Variants in MAPK4 observed in about 807,000 individuals in gnomAD.
MAPK4 encodes Erk3-related.
MAPK4 carries 22 observed loss-of-function variants against 47.7 expected under a neutral mutation model. The observed-to-expected ratio is 0.46, with a 90% CI of 0.33 to 0.66. MAPK4 has a LOEUF of 0.66. MAPK4 is among the 30% of genes least tolerant of loss of function. MAPK4 has a pLI of 0.02. For synonymous variants in MAPK4, 390 were observed against 365.7 expected, an observed-to-expected ratio of 1.07 and a Z score of -0.76; for missense variants, 736 against 831.7, an observed-to-expected ratio of 0.88 and a Z score of 1.42.
At chr18:50,655,725 T>G (rs534861835) in intron 1 of MAPK4, among the ~76,000 whole-genome samples, 2 of 152,148 alleles carry the variant, frequency 1.3e-5, no homozygotes, top group Non-Finnish European at 2.9e-5. Context: ...AGGAAACACC[T>G]CTGGTCATTA....
At chr18:50,702,620 C>T (rs2144388164) in intron 2 of MAPK4, among the ~76,000 whole-genome samples, 1 of 152,198 alleles carries the variant, frequency 6.6e-6, no homozygotes. Flanking sequence ...ATTTTGTGTT[C>T]ATGATTTTGT....
chr18:50,698,878 A>T (rs1435675840), intron 2 of MAPK4, among the ~76,000 whole-genome samples: 1 of 152,168 alleles, frequency 6.6e-6, no homozygotes, highest in Non-Finnish European at 1.5e-5. Context: ...TACAAAAATT[A>T]GCTAGGTATA....
intron 1 of MAPK4, among the ~76,000 whole-genome samples, chr18:50,601,132 C>G (rs948912867): frequency 2.0e-5 from 3 of 148,858 alleles, no homozygotes; most frequent in East Asian, 2.0e-4. Context: ...AAGAAGAAGA[C>G]AGAGAGAGAG....
At chr18:50,702,361 C>T (rs529314620) in intron 2 of MAPK4, among the ~76,000 whole-genome samples, 221 of 152,054 alleles carry the variant, frequency 1.5e-3, no homozygotes, top group African/African-American at 5.0e-3. Context: ...TGAATCTAGC[C>T]TAGGCAACAT....
intron 2 of MAPK4, among the ~76,000 whole-genome samples, chr18:50,709,377 G>A (rs1910229760): frequency 6.6e-6 from 1 of 152,232 alleles, no homozygotes; most frequent in African/African-American, 2.4e-5. Context: ...ATGGGGTGGA[G>A]AGGGAGCACA....
rs751794197 is a variant in MAPK4 at position 50,729,776 on chromosome 18, C to A, written c.1686C>A (p.Gly562=). 2 of 1,611,954 alleles carry A rather than the reference C, an allele frequency of 1.2e-6. No homozygotes were observed. Among genetic ancestry groups the A allele is most frequent in the Non-Finnish European group, 1.7e-6 (2 of 1,179,644 alleles). The change falls in exon 6 of 6, where the codon GGC becomes GGA. Residue 562 remains glycine (G), a synonymous_variant. Transcript: ENST00000400384. ...AGGACCTGCCGGACAATAAACTGGGCGACCTCAATGGTGCGTGCATCCCCG... is the reference window on the plus strand; with the variant it reads ...AGGACCTGCCGGACAATAAACTGGGAGACCTCAATGGTGCGTGCATCCCCG... The part of the protein sequence containing the change: ...KPEDLPDNKL[G]DLNGACIPEH...
intron 1 of MAPK4, among the ~76,000 whole-genome samples, chr18:50,659,714 T>C (rs1012475809): frequency 1.3e-5 from 2 of 152,352 alleles, no homozygotes; most frequent in Admixed American, 1.3e-4. Flanking sequence ...TTTATTACGA[T>C]GCCCAGCCAT....
chr18:50,582,821 G>A (rs1266774607), intron 1 of MAPK4, among the ~76,000 whole-genome samples: 3 of 152,266 alleles, frequency 2.0e-5, no homozygotes, highest in Admixed American at 6.5e-5. Context: ...GGGGAACGCA[G>A]TGATGCCCCA....
chr18:50,589,728 G>A (rs559234431), intron 1 of MAPK4, among the ~76,000 whole-genome samples: 155 of 152,310 alleles, frequency 1.0e-3, no homozygotes, highest in African/African-American at 3.4e-3. Flanking sequence ...GGCTAGAAAT[G>A]GTTCTCTTTC....
At chr18:50,689,404 TAAAAAA>T (rs34978159) in intron 2 of MAPK4, among the ~76,000 whole-genome samples, 1 of 84,850 alleles carries the variant, frequency 1.2e-5, no homozygotes, top group African/African-American at 4.3e-5. Context: ...AACTCCATCT[TAAAAAA>T]AAAAAAAAAA....
intron 1 of MAPK4, among the ~76,000 whole-genome samples, chr18:50,568,585 G>A (rs2042222376): frequency 6.6e-6 from 1 of 152,184 alleles, no homozygotes; most frequent in Non-Finnish European, 1.5e-5. Context: ...CCTCAGTTAT[G>A]TACTTGGTCT....
At chr18:50,575,840 A>T (rs1473783589) in intron 1 of MAPK4, among the ~76,000 whole-genome samples, 2 of 151,900 alleles carry the variant, frequency 1.3e-5, no homozygotes, top group Admixed American at 6.6e-5. Flanking sequence ...AGAGGAGATG[A>T]ACAGATACTT....
chr18:50,595,873 G>A (rs1276298345), intron 1 of MAPK4, among the ~76,000 whole-genome samples: 1 of 151,958 alleles, frequency 6.6e-6, no homozygotes, highest in Non-Finnish European at 1.5e-5. Context: ...TATTGTATTT[G>A]TGGCTAATGG....
intron 4 of MAPK4, among the ~76,000 whole-genome samples, chr18:50,722,331 GC>G (rs1910978399): frequency 6.6e-6 from 1 of 152,226 alleles, no homozygotes; most frequent in Non-Finnish European, 1.5e-5. Flanking sequence ...TGTTTCTGCT[GC>G]CTTTTGCTTC....
intron 1 of MAPK4, among the ~76,000 whole-genome samples, chr18:50,570,980 G>A (rs186835080): frequency 1.2e-3 from 186 of 152,078 alleles, no homozygotes; most frequent in Admixed American, 2.3e-3. Flanking sequence ...CTTTTTCCCT[G>A]GAAATTTTAG....
In MAPK4 at chr18:50,729,633, G is replaced by A. The variant is rs573296530; in HGVS notation, c.1543G>A (p.Glu515Lys). The A allele has an allele frequency of 1.0e-3, 1,475 of 1,453,562 alleles. 8 individuals are homozygous for A. The Middle Eastern group carries it at 0.015, about 15-fold the overall frequency. The allele number at this position is 1,453,562 out of a possible 1,614,324, so 90.0% of individuals were successfully genotyped here. A position where few individuals can be genotyped will look rare whatever the true frequency, so the allele number is the denominator to read the frequency against. ...CGCCAGCCCGCCCGCCGACGACCCCGAGCGCCGCTTGTCTGCCTCGCCCCC... is the reference window on the plus strand; with the variant it reads ...CGCCAGCCCGCCCGCCGACGACCCCAAGCGCCGCTTGTCTGCCTCGCCCCC... Reference protein sequence around the residue: ...EHASPPADDPERRLSASPPGR... With the variant: ...EHASPPADDPKRRLSASPPGR... Residue 515 changes from glutamate (E) to lysine (K), a missense_variant, in exon 6 of 6, where the codon GAG (glutamate) becomes AAG (lysine). Glu to Lys is a moderately conservative substitution (Grantham distance 56). Coordinates refer to ENST00000400384, the MANE Select transcript of MAPK4 (RefSeq NM_002747.4).
At position 50,664,632 on chromosome 18, in the gene MAPK4, G is replaced by A. The variant is rs1907496830; in HGVS notation, c.546+128G>A. The stretch of plus-strand genomic sequence containing the variant: ...GAGTTAGTAATTAGGGGAGGCTGGA[G>A]GGTGCTAGGAAGATCACTAGCCTGA... On this transcript the variant is annotated intron_variant, in intron 2 of 5. Transcript: ENST00000400384. The surrounding 1 kb of genome is among the most constrained non-coding windows in gnomAD (Gnocchi z 6.0). 3 of 1,079,342 alleles carry A rather than the reference G, an allele frequency of 2.8e-6. No homozygotes were observed. Among genetic ancestry groups the A allele is most frequent in the South Asian group, 3.2e-5 (2 of 61,652 alleles). The allele number at this position is 1,079,342 out of a possible 1,614,324, so 66.9% of individuals were successfully genotyped here.
chr18:50,637,963 G>A (rs1381181706), intron 1 of MAPK4, among the ~76,000 whole-genome samples: 3 of 152,148 alleles, frequency 2.0e-5, no homozygotes, highest in Non-Finnish European at 4.4e-5. Flanking sequence ...TGAGTTACTA[G>A]GGGTTAGGGC....
intron 1 of MAPK4, among the ~76,000 whole-genome samples, chr18:50,662,560 C>T (rs1241973018): frequency 2.0e-5 from 3 of 152,274 alleles, no homozygotes; most frequent in South Asian, 2.1e-4. Flanking sequence ...CTTCAACTTA[C>T]GTGGAAAGCA....
Sources: allele counts gnomAD v4.1 joint callset (sites outside exome capture counted in the v4.1 genomes callset), GRCh38; gene constraint gnomAD v4.1.1; non-coding constraint Gnocchi (gnomAD v3.1); transcripts MANE v1.5; gene names NCBI Gene and HGNC (gene_info 2026-07-23, HGNC 2026-07-21).